The following GABPB2 variants were observed in gnomAD, a reference collection of about 807,000 sequenced individuals.
GABPB2 encodes GA binding protein transcription factor subunit beta 2.
GABPB2 carries 23 observed loss-of-function variants against 39.1 expected under a neutral mutation model. The observed-to-expected ratio is 0.59, with a 90% CI of 0.42 to 0.83. The LOEUF (loss-of-function observed/expected upper bound fraction) is 0.83, where lower values mean the gene tolerates loss of function less well. Among genes scored for constraint, GABPB2 ranks in the 40% least tolerant of loss-of-function variants. The pLI is 0.00. For synonymous variants in GABPB2, 184 were observed against 199.3 expected (o/e 0.92, Z 0.65); for missense variants, 467 against 541.1 (o/e 0.86, Z 1.36).
chr1:151,083,990 C>T (rs1677946249), intron 1 of GABPB2, among the ~76,000 whole-genome samples: 1 of 151,052 alleles, frequency 6.6e-6, no homozygotes, highest in Non-Finnish European at 1.5e-5. Flanking sequence ...CCAGCCCCCT[C>T]AGCCTCCCAA....
At chr1:151,081,578 A>T (rs768743892) in intron 1 of GABPB2, among the ~76,000 whole-genome samples, 7 of 151,902 alleles carry the variant, frequency 4.6e-5, no homozygotes, top group Non-Finnish European at 7.4e-5. Flanking sequence ...TGTTTTATAT[A>T]TTTTTTCAAC....
At chr1:151,100,190 GC>G (rs1679406485) in intron 5 of GABPB2, among the ~76,000 whole-genome samples, 1 of 150,654 alleles carries the variant, frequency 6.6e-6, no homozygotes, top group African/African-American at 2.4e-5. Flanking sequence ...TGTCGCCCAG[GC>G]TGGAGTGCAG....
chr1:151,075,848 C>T (rs1677131125), intron 1 of GABPB2, among the ~76,000 whole-genome samples: 1 of 152,120 alleles, frequency 6.6e-6, no homozygotes, highest in Non-Finnish European at 1.5e-5. Context: ...GGTTCAAACA[C>T]CTCTGACATT....
In GABPB2 at chr1:151,075,503, G is replaced by T. The variant is rs949591194; in HGVS notation, c.-1+4569G>T. Among the ~76,000 whole-genome samples the T allele has an allele frequency of 2.0e-5, 3 of 148,138 alleles. No individual in the cohort carries two copies. The East Asian group carries it at 6.0e-4, about 30-fold the overall frequency. ...GGCGTGAACCCAAGAGGCGGAGCTT[G>T]CAGTGAGCCGAGATTGTGCCACTGC... On this transcript the variant is annotated intron_variant, in intron 1 of 8. Coordinates refer to ENST00000368918, the MANE Select transcript of GABPB2 (RefSeq NM_144618.3).
chr1:151,085,656 G>T (rs1678120665), intron 1 of GABPB2, among the ~76,000 whole-genome samples: 1 of 152,070 alleles, frequency 6.6e-6, no homozygotes, highest in Admixed American at 6.6e-5. Context: ...GTTTCACCGT[G>T]TTAGCCAGGA....
Position 151,115,631 on chromosome 1 carries a change from G to T in GABPB2, c.923-1761G>T, listed in dbSNP as rs972056735. Among the ~76,000 whole-genome samples, 98 of 151,820 alleles carry T rather than the reference G, an allele frequency of 6.5e-4. 4 individuals are homozygous for T. The highest frequency in any genetic ancestry group is 5.9e-5 in the Non-Finnish European group (4 of 67,960). On this transcript the variant is annotated intron_variant, in intron 7 of 8. Transcript: ENST00000368918. ...GGCCAGGCTGGTCTCAAACTCCTGA[G>T]CTCAGGCAGTCTGCCTGCCTCGACC... is the stretch of plus-strand genomic sequence containing the variant.
chr1:151,090,715 T>G lies in GABPB2; in HGVS notation c.276+142T>G, dbSNP rs1571923153. The G allele has an allele frequency of 6.3e-6, 5 of 789,792 alleles. No homozygotes were observed. The East Asian group carries it at 1.3e-4, about 21-fold the overall frequency. 48.9% of individuals were successfully genotyped at this position (789,792 alleles called of 1,614,324 possible). A position where few individuals can be genotyped will look rare whatever the true frequency, so the allele number is the denominator to read the frequency against. ...GCATTAAGTTGCATCTCCAGGAGTC[T>G]TCATGGCAGGCCGGGTGCCTATAAT... On this transcript the variant is annotated intron_variant, in intron 3 of 8. Coordinates refer to ENST00000368918, the MANE Select transcript of GABPB2 (RefSeq NM_144618.3).
At chr1:151,104,806 C>CTTTCTTTCTT (rs1679822831) in intron 6 of GABPB2, among the ~76,000 whole-genome samples, 3 of 140,176 alleles carry the variant, frequency 2.1e-5, no homozygotes, top group Non-Finnish European at 3.1e-5. Context: ...TCTTTCTTTT[C>CTTTCTTTCTT]TTTCTTTCCT....
chr1:151,082,436 C>G (rs1277461004), intron 1 of GABPB2, among the ~76,000 whole-genome samples: 1 of 106,484 alleles, frequency 9.4e-6, no homozygotes, highest in African/African-American at 3.7e-5. Context: ...GAGTCTTGCT[C>G]TGTCGCCCAG....
chr1:151,090,357 C>T, intron 2 of GABPB2, 49 bp from the exon 3 acceptor site: 1 of 1,545,072 alleles, frequency 6.5e-7, no homozygotes, highest in Non-Finnish European at 8.9e-7. Context: ...CAGTAACGAT[C>T]TAGGACTCTG....
Position 151,090,480 on chromosome 1 carries a change from T to G in GABPB2, c.183T>G (p.Gly61=). Residue 61 remains glycine, a synonymous_variant, in exon 3 of 9, where the codon GGT becomes GGG. Transcript: ENST00000368918. ...CAGCAGAAGTACTCCTTCGAGCAGG[T>G]GTTAGCAGGGATGCCCGGACTAAAG... ...YSTAEVLLRA[G]VSRDARTKVD... is the part of the protein sequence containing the mutation. 6.2e-7 allele frequency: 1 copy of G among 1,614,078 alleles called. No individual in the cohort carries two copies. Among genetic ancestry groups the G allele is most frequent in the South Asian group, 1.1e-5 (1 of 91,084 alleles).
intron 1 of GABPB2, 53 bp downstream of exon 1, chr1:151,070,987 G>A (rs1397260748): frequency 6.7e-6 from 1 of 149,084 alleles, no homozygotes; most frequent in Non-Finnish European, 1.5e-5. Context: ...GGGCTGGAAA[G>A]GAAAGTGCCG....
intron 3 of GABPB2, among the ~76,000 whole-genome samples, 157 bp downstream of exon 3, chr1:151,090,730 G>A (rs1349826649): frequency 6.6e-6 from 1 of 151,884 alleles, no homozygotes; most frequent in Non-Finnish European, 1.5e-5. Flanking sequence ...GGCAGGCCGG[G>A]TGCCTATAAT....
chr1:151,084,580 G>C (rs1204585117), intron 1 of GABPB2, among the ~76,000 whole-genome samples: 1 of 133,520 alleles, frequency 7.5e-6, no homozygotes. Context: ...TGTCGCCCAG[G>C]CTGGAGTGCA....
intron 1 of GABPB2, among the ~76,000 whole-genome samples, chr1:151,082,985 AAAAAG>A (rs886415460): frequency 3.3e-5 from 5 of 151,938 alleles, no homozygotes; most frequent in Admixed American, 6.6e-5. Flanking sequence ...CAAAAAAAAA[AAAAAG>A]AAAAGAAAAA....
At chr1:151,085,125 C>T (rs587756774) in intron 1 of GABPB2, among the ~76,000 whole-genome samples, 56 of 151,068 alleles carry the variant, frequency 3.7e-4, no homozygotes, top group South Asian at 3.6e-3. Context: ...TGGCCAGGCG[C>T]GGTGGCTCAC....
chr1:151,105,198 G>A (rs1371447102), intron 6 of GABPB2, among the ~76,000 whole-genome samples: 1 of 151,526 alleles, frequency 6.6e-6, no homozygotes, highest in African/African-American at 2.4e-5. Context: ...GAGCCACCGC[G>A]CCTGGCCCTG....
chr1:151,086,804 A>ATC (rs1678237275), intron 1 of GABPB2, among the ~76,000 whole-genome samples: 1 of 151,752 alleles, frequency 6.6e-6, no homozygotes, highest in Admixed American at 6.6e-5. Flanking sequence ...AGTAGCTGAG[A>ATC]CTATAGGCAC....
intron 1 of GABPB2, among the ~76,000 whole-genome samples, chr1:151,081,905 G>T (rs1436428516): frequency 1.3e-5 from 2 of 151,284 alleles, no homozygotes; most frequent in African/African-American, 4.9e-5. Context: ...CCAAAGTGCT[G>T]GGTTTACAGG....
Sources: allele counts gnomAD v4.1 joint callset (sites outside exome capture counted in the v4.1 genomes callset), GRCh38; gene constraint gnomAD v4.1.1; transcripts MANE v1.5; gene names NCBI Gene and HGNC (gene_info 2026-07-23, HGNC 2026-07-21).